Variants in AKNAD1 observed in about 807,000 individuals in gnomAD.
AKNAD1 encodes the protein AKNA domain containing 1, also known as protein AKNAD1.
Under a neutral mutation model 90.8 loss-of-function variants are expected in AKNAD1, and 67 were observed. That is an observed-to-expected ratio of 0.74 (90% CI 0.61 to 0.90). AKNAD1 has a LOEUF of 0.90. Among genes scored for constraint, AKNAD1 ranks in the 40% least tolerant of loss-of-function variants. The pLI is 0.00. For missense variants in AKNAD1, 957 were observed against 975.4 expected, an observed-to-expected ratio of 0.98 and a Z score of 0.25; for synonymous variants, 327 against 341.4, an observed-to-expected ratio of 0.96 and a Z score of 0.46.
intron 2 of AKNAD1, among the ~76,000 whole-genome samples, chr1:108,849,969 A>G (rs1287326968): frequency 6.6e-6 from 1 of 152,222 alleles, no homozygotes; most frequent in Non-Finnish European, 1.5e-5. Flanking sequence ...AAACTAGACT[A>G]TAAGTTTCAC....
intron 2 of AKNAD1, among the ~76,000 whole-genome samples, chr1:108,850,869 C>T (rs1191781340): frequency 1.3e-5 from 2 of 151,944 alleles, no homozygotes; most frequent in African/African-American, 4.8e-5. Context: ...TGAGCCTCAG[C>T]ATGTTGAGAA....
At chr1:108,835,910 C>A (rs1664373039) in intron 7 of AKNAD1, among the ~76,000 whole-genome samples, 1 of 152,204 alleles carries the variant, frequency 6.6e-6, no homozygotes. Context: ...AGGCGTGAGC[C>A]ACCGCACCTG....
Position 108,852,394 on chromosome 1 carries a change from A to T in AKNAD1, c.271T>A (p.Cys91Ser). 1 of 1,613,938 alleles carries T rather than the reference A, an allele frequency of 6.2e-7. No individual in the cohort carries two copies. Residue 91 changes from cysteine to serine, a missense_variant, in exon 2 of 16, where the codon TGC (cysteine) becomes AGC (serine). Transcript: ENST00000370001. ...ANKKDEKEKQ[C>S]TAALHIPANE... ...GCTGGAATATGAAGAGCTGCAGTGC[A>T]TTGTTTCTCTTTCTCGTCTTTTTTG... is the stretch of plus-strand genomic sequence containing the variant.
intron 14 of AKNAD1, among the ~76,000 whole-genome samples, chr1:108,819,688 G>A (rs1280824858): frequency 6.6e-6 from 1 of 151,848 alleles, no homozygotes; most frequent in East Asian, 1.9e-4. Context: ...AAGGTGGGAA[G>A]ATCACTTGAG....
chr1:108,856,084 C>T (rs2101228109), intron 1 of AKNAD1, among the ~76,000 whole-genome samples: 1 of 151,878 alleles, frequency 6.6e-6, no homozygotes, highest in South Asian at 2.1e-4. Context: ...AACTCCTGAG[C>T]ACAAGTAATC....
At chr1:108,827,324 C>G in intron 10 of AKNAD1, 22 bp from the exon 11 acceptor site, 1 of 1,557,504 alleles carries the variant, frequency 6.4e-7, no homozygotes, top group Non-Finnish European at 8.8e-7. Flanking sequence ...TGCATAAGAT[C>G]CTGTAAACTT....
intron 14 of AKNAD1, among the ~76,000 whole-genome samples, chr1:108,818,026 T>C (rs962401108): frequency 1.3e-5 from 2 of 152,178 alleles, no homozygotes; most frequent in Non-Finnish European, 2.9e-5. Context: ...AAGTCTGCAC[T>C]AGGTGAGTGA....
At chr1:108,845,348 G>GGGA (rs1399691431) in intron 5 of AKNAD1, among the ~76,000 whole-genome samples, 1 of 152,122 alleles carries the variant, frequency 6.6e-6, no homozygotes, top group Non-Finnish European at 1.5e-5. Context: ...AGGATGAGAT[G>GGGA]GGAGTCTTTT....
chr1:108,843,889 G>T (rs1431650069), intron 5 of AKNAD1, among the ~76,000 whole-genome samples: 2 of 152,152 alleles, frequency 1.3e-5, no homozygotes, highest in African/African-American at 4.8e-5. Context: ...AACTGTGCGG[G>T]TTAGGGGCAT....
At chr1:108,842,127 C>A (rs1160030071) in intron 6 of AKNAD1, among the ~76,000 whole-genome samples, 1 of 152,058 alleles carries the variant, frequency 6.6e-6, no homozygotes, top group East Asian at 1.9e-4. Context: ...GGAAAAAAAT[C>A]AATATTAAAA....
In AKNAD1 at chr1:108,834,470, T is replaced by C. The variant is rs936162410; in HGVS notation, c.1723A>G (p.Met575Val). The change falls in exon 9 of 16, where the codon ATG becomes GTG. Residue 575 changes from methionine to valine, a missense_variant. Transcript: ENST00000370001. ...AAQNKPDQVA[M>V]RLSSNSGEDP... ...ACCCCAGAGTTAGAAGACAGCCTCA[T>C]GGCCACTTGGTCTGGCTTGTTCTGG... The C allele has an allele frequency of 3.7e-6, 6 of 1,610,978 alleles. No individual in the cohort carries two copies. The highest frequency in any genetic ancestry group is 3.3e-5 in the South Asian group (3 of 90,320).
At chr1:108,819,067 G>A (rs1028331856) in intron 14 of AKNAD1, among the ~76,000 whole-genome samples, 5 of 151,948 alleles carry the variant, frequency 3.3e-5, no homozygotes, top group Non-Finnish European at 1.5e-5. Context: ...GGCTCTGAGT[G>A]CAGAGCCTGA....
At chr1:108,839,471 T>TAAAAAAAAAAGAAAAAAAAAAA (rs1664472879) in intron 6 of AKNAD1, among the ~76,000 whole-genome samples, 1 of 126,146 alleles carries the variant, frequency 7.9e-6, no homozygotes, top group African/African-American at 3.4e-5. Flanking sequence ...TCCGTCTCAA[T>TAAAAAAAAAAGAAAAAAAAAAA]AAAAAAAAAA....
intron 11 of AKNAD1, among the ~76,000 whole-genome samples, 170 bp from the exon 12 acceptor site, chr1:108,823,858 A>G (rs578047945): frequency 3.9e-5 from 6 of 152,280 alleles, no homozygotes; most frequent in Admixed American, 2.6e-4. Flanking sequence ...AACATTTGGG[A>G]TTCCCTTCTG....
intron 10 of AKNAD1, among the ~76,000 whole-genome samples, 174 bp downstream of exon 10, chr1:108,830,385 C>G (rs139976017): frequency 4.6e-5 from 7 of 152,312 alleles, no homozygotes; most frequent in South Asian, 2.1e-4. Flanking sequence ...TTGAGGACCA[C>G]TGCTAGAGGA....
intron 14 of AKNAD1, among the ~76,000 whole-genome samples, chr1:108,819,710 G>A (rs1273463275): frequency 1.3e-5 from 2 of 151,224 alleles, no homozygotes; most frequent in East Asian, 2.0e-4. Flanking sequence ...TCAGGAGTTT[G>A]AGACTAGCCT....
rs767791870 is a variant in AKNAD1, at chr1:108,852,269, G to A, written c.396C>T (p.Thr132=). The change falls in exon 2 of 16, where the codon ACC becomes ACT. Residue 132 remains threonine (T), a synonymous_variant. Transcript: ENST00000370001. ...TGTCGGCATTTGAGATCTCTGGGAG[G>A]GTTTCACAATCAATGCCTTGACCTC... ...FLRGQGIDCE[T]LPEISNADSF... is the part of the protein sequence containing the mutation. The A allele has an allele frequency of 5.6e-6, 9 of 1,613,840 alleles. No individual in the cohort carries two copies. In the African/African-American group the frequency reaches 8.0e-5, roughly 14 times the overall value.
At chr1:108,831,402 G>A (rs1018326342) in intron 9 of AKNAD1, among the ~76,000 whole-genome samples, 7 of 152,222 alleles carry the variant, frequency 4.6e-5, no homozygotes, top group African/African-American at 1.4e-4. Flanking sequence ...ACATGTTTGT[G>A]TGATGACCCA....
chr1:108,824,195 T>C (rs1311076653), intron 11 of AKNAD1, among the ~76,000 whole-genome samples: 2 of 152,196 alleles, frequency 1.3e-5, no homozygotes, highest in Non-Finnish European at 2.9e-5. Context: ...AAGAAGCTAG[T>C]AGCAGACAGC....
Sources: gnomAD v4.1 joint callset for allele counts (sites outside exome capture counted in the v4.1 genomes callset) on GRCh38, gnomAD v4.1.1 for gene constraint, MANE v1.5 for transcripts, NCBI Gene and HGNC (gene_info 2026-07-23, HGNC 2026-07-21) for gene names.